Variants in TNRC6C observed in about 807,000 individuals in gnomAD.
The protein encoded by TNRC6C is trinucleotide repeat-containing gene 6C protein.
In TNRC6C, 20 loss-of-function variants were observed where a neutral mutation model predicts 153.7. The ratio of observed to expected loss-of-function variants is 0.13; its 90% CI spans 0.09 to 0.19. The LOEUF (loss-of-function observed/expected upper bound fraction) is 0.19, where lower values mean the gene tolerates loss of function less well. TNRC6C is among the 10% of genes least tolerant of loss of function. The pLI is 1.00. For missense variants in TNRC6C, 1,987 were observed against 2,172.0 expected (o/e 0.91, Z 1.69); for synonymous variants, 811 against 841.4 (o/e 0.96, Z 0.63).
intron 1 of TNRC6C, among the ~76,000 whole-genome samples, chr17:77,997,812 G>A (rs895510390): frequency 2.0e-5 from 3 of 151,998 alleles, no homozygotes; most frequent in Middle Eastern, 3.4e-3. Flanking sequence ...CTGCCACCGC[G>A]CCTGGCTAAT....
chr17:77,962,605 G>A (rs969426845), intron 1 of TNRC6C, among the ~76,000 whole-genome samples: 3 of 152,164 alleles, frequency 2.0e-5, no homozygotes, highest in Non-Finnish European at 2.9e-5. Flanking sequence ...AGCAGGAGGC[G>A]GAGTCCTGAA....
At chr17:77,961,317 G>A (rs939105508) in intron 1 of TNRC6C, among the ~76,000 whole-genome samples, 1 of 152,052 alleles carries the variant, frequency 6.6e-6, no homozygotes, top group Non-Finnish European at 1.5e-5. Flanking sequence ...CGCCACGCCC[G>A]GCTAATTTTT....
intron 3 of TNRC6C, among the ~76,000 whole-genome samples, chr17:78,058,524 A>G (rs1280664068): frequency 6.6e-6 from 1 of 152,250 alleles, no homozygotes; most frequent in Non-Finnish European, 1.5e-5. Flanking sequence ...TGAAATGTAG[A>G]TAATTTTAGA....
intron 1 of TNRC6C, among the ~76,000 whole-genome samples, chr17:78,006,830 T>TA (rs2071525871): frequency 2.2e-4 from 30 of 136,336 alleles, no homozygotes; most frequent in African/African-American, 9.6e-4. Flanking sequence ...ATTTATTTAT[T>TA]TTTTTTTTTT....
intron 1 of TNRC6C, among the ~76,000 whole-genome samples, chr17:78,017,858 G>A (rs1445856796): frequency 1.3e-5 from 2 of 152,290 alleles, no homozygotes; most frequent in South Asian, 2.1e-4. Flanking sequence ...GGTACGAGGT[G>A]CGCACACATA....
At chr17:77,970,732 C>G (rs2070934056) in intron 1 of TNRC6C, among the ~76,000 whole-genome samples, 1 of 152,080 alleles carries the variant, frequency 6.6e-6, no homozygotes, top group Non-Finnish European at 1.5e-5. Flanking sequence ...TGGCCCAAGA[C>G]AATTCTTCTT....
At chr17:77,992,973 A>T (rs977624421) in intron 1 of TNRC6C, among the ~76,000 whole-genome samples, 22 of 149,908 alleles carry the variant, frequency 1.5e-4, no homozygotes, top group East Asian at 1.4e-3. Flanking sequence ...TTTTATTTTT[A>T]TTTTTTTTTT....
intron 1 of TNRC6C, among the ~76,000 whole-genome samples, chr17:77,985,003 T>C (rs1298708178): frequency 6.6e-6 from 1 of 152,232 alleles, no homozygotes; most frequent in Admixed American, 6.5e-5. Flanking sequence ...GTTATTGGTA[T>C]GGTTTCTGGC....
chr17:78,069,321 C>G (rs1373607815), intron 5 of TNRC6C, among the ~76,000 whole-genome samples: 5 of 152,148 alleles, frequency 3.3e-5, no homozygotes, highest in African/African-American at 1.2e-4. Flanking sequence ...CACAGGAAGG[C>G]AGTGCAGTTC....
chr17:78,040,470 G>T (rs971603757), intron 2 of TNRC6C, among the ~76,000 whole-genome samples: 7 of 152,168 alleles, frequency 4.6e-5, no homozygotes, highest in Non-Finnish European at 8.8e-5. Flanking sequence ...TTAGATAGAG[G>T]CAGGAAAGTA....
Position 78,102,560 on chromosome 17 carries a change from C to G in TNRC6C, c.4572+16C>G. 1 of 1,590,816 alleles carries G rather than the reference C, an allele frequency of 6.3e-7. No individual in the cohort carries two copies. Among genetic ancestry groups the G allele is most frequent in the Non-Finnish European group, 8.6e-7 (1 of 1,168,578 alleles). On this transcript the variant is annotated intron_variant, in intron 18 of 19. Transcript: ENST00000301624. Reference sequence around the variant, plus strand: ...CACTCCCCAGGTGCAATATGGTGCCCCTGCATCACTGAGCATGATCCAGGG... The same window carrying G: ...CACTCCCCAGGTGCAATATGGTGCCGCTGCATCACTGAGCATGATCCAGGG...
At chr17:78,088,323 C>T (rs368081377) in intron 13 of TNRC6C, among the ~76,000 whole-genome samples, 24 of 152,156 alleles carry the variant, frequency 1.6e-4, no homozygotes, top group African/African-American at 5.8e-4. Context: ...GTTTGAGTCC[C>T]AACTCACCAC....
intron 2 of TNRC6C, among the ~76,000 whole-genome samples, chr17:78,032,837 T>C (rs1598713044): frequency 6.6e-6 from 1 of 152,248 alleles, no homozygotes; most frequent in African/African-American, 2.4e-5. Flanking sequence ...AGAACTAATA[T>C]TTTTAGACAA....
At chr17:78,027,693 G>C (rs572897147) in intron 1 of TNRC6C, among the ~76,000 whole-genome samples, 6 of 152,166 alleles carry the variant, frequency 3.9e-5, no homozygotes, top group Non-Finnish European at 5.9e-5. Flanking sequence ...GAGACATATC[G>C]GTATTGCACA....
chr17:78,069,584 C>G (rs1447954578), intron 5 of TNRC6C, among the ~76,000 whole-genome samples: 2 of 152,088 alleles, frequency 1.3e-5, no homozygotes, highest in Non-Finnish European at 1.5e-5. Flanking sequence ...GAGACAGAGT[C>G]TCACTTTGTG....
At chr17:77,991,606 G>C (rs1257716347) in intron 1 of TNRC6C, among the ~76,000 whole-genome samples, 1 of 152,154 alleles carries the variant, frequency 6.6e-6, no homozygotes, top group African/African-American at 2.4e-5. Context: ...TTTGAACAAG[G>C]ATGCTTGGCC....
intron 1 of TNRC6C, among the ~76,000 whole-genome samples, chr17:77,983,075 A>G (rs1267128409): frequency 6.6e-6 from 1 of 152,192 alleles, no homozygotes; most frequent in Non-Finnish European, 1.5e-5. Context: ...AATTAGGGAG[A>G]GCAGGATATT....
At chr17:78,055,512 C>T (rs868202556) in intron 3 of TNRC6C, among the ~76,000 whole-genome samples, 3 of 152,118 alleles carry the variant, frequency 2.0e-5, no homozygotes, top group Non-Finnish European at 2.9e-5. Context: ...ATGGGTATGG[C>T]GTCACTAGGT....
At chr17:77,975,956 G>A (rs1167113662) in intron 1 of TNRC6C, among the ~76,000 whole-genome samples, 1 of 152,178 alleles carries the variant, frequency 6.6e-6, no homozygotes, top group Non-Finnish European at 1.5e-5. Context: ...TTTAGAGTGA[G>A]TTGTCAACTC....
Sources: gnomAD v4.1 joint callset for allele counts (sites outside exome capture counted in the v4.1 genomes callset) on GRCh38, gnomAD v4.1.1 for gene constraint, MANE v1.5 for transcripts, NCBI Gene and HGNC (gene_info 2026-07-23, HGNC 2026-07-21) for gene names.